CLOCK: variants seen among roughly 807,000 people sequenced by gnomAD.
CLOCK encodes the protein clock circadian regulator.
CLOCK carries 43 observed loss-of-function variants against 118.4 expected under a neutral mutation model. The ratio of observed to expected loss-of-function variants is 0.36; its 90% CI spans 0.28 to 0.47. The LOEUF (loss-of-function observed/expected upper bound fraction) is 0.47, where lower values mean the gene tolerates loss of function less well. Ranked by LOEUF, CLOCK falls within the 20% of genes least tolerant of loss-of-function variation. CLOCK has a pLI of 1.00. For missense variants in CLOCK, 846 were observed against 999.9 expected, an observed-to-expected ratio of 0.85 and a Z score of 2.08; for synonymous variants, 326 against 339.2, an observed-to-expected ratio of 0.96 and a Z score of 0.43.
At chr4:55,467,920 T>G (rs1449517593) in intron 8 of CLOCK, among the ~76,000 whole-genome samples, 1 of 152,164 alleles carries the variant, frequency 6.6e-6, no homozygotes, top group East Asian at 1.9e-4. Context: ...CCAAAGAAAT[T>G]AGCAAATTAT....
At chr4:55,520,643 A>G (rs1439539312) in intron 1 of CLOCK, among the ~76,000 whole-genome samples, 1 of 152,194 alleles carries the variant, frequency 6.6e-6, no homozygotes, top group Non-Finnish European at 1.5e-5. Context: ...TTTTAATACT[A>G]AGGTTCAGTT....
chr4:55,456,634 TA>T (rs5858335), intron 11 of CLOCK, among the ~76,000 whole-genome samples: 88,616 of 151,754 alleles, frequency 0.58, 27,470 homozygotes, highest in South Asian at 0.81. Flanking sequence ...CATTACTAGA[TA>T]AACTTTTCCT....
chr4:55,480,514 T>C (rs567299688), intron 4 of CLOCK, among the ~76,000 whole-genome samples: 48 of 152,244 alleles, frequency 3.2e-4, no homozygotes, highest in African/African-American at 1.1e-3. Context: ...GACCTTCCTA[T>C]CTCAGCCTCC....
intron 7 of CLOCK, among the ~76,000 whole-genome samples, chr4:55,472,772 A>G (rs1384920920): frequency 6.6e-6 from 1 of 151,278 alleles, no homozygotes; most frequent in Non-Finnish European, 1.5e-5. Context: ...TGGATATCAC[A>G]AAGAACTTAT....
chr4:55,523,620 A>C (rs996278565), intron 1 of CLOCK, among the ~76,000 whole-genome samples: 2 of 152,206 alleles, frequency 1.3e-5, no homozygotes, highest in African/African-American at 4.8e-5. Context: ...TCATCCATGC[A>C]CGAATCTGGA....
intron 1 of CLOCK, among the ~76,000 whole-genome samples, chr4:55,524,064 C>T (rs1730014326): frequency 6.6e-6 from 1 of 152,070 alleles, no homozygotes; most frequent in South Asian, 2.1e-4. Flanking sequence ...ATCATTTTAG[C>T]AAAACAGGAT....
intron 1 of CLOCK, chr4:55,545,819 T>C (rs1731579947): frequency 6.6e-6 from 1 of 152,184 alleles, no homozygotes; most frequent in African/African-American, 2.4e-5. Flanking sequence ...CGGAAAGAAA[T>C]CTACAAACGC....
intron 18 of CLOCK, among the ~76,000 whole-genome samples, chr4:55,447,443 G>A (rs1237202664): frequency 1.3e-5 from 2 of 152,192 alleles, no homozygotes; most frequent in African/African-American, 2.4e-5. Flanking sequence ...CTTTGGACAA[G>A]CATTATATTG....
At chr4:55,491,347 A>C (rs2109950892) in intron 2 of CLOCK, among the ~76,000 whole-genome samples, 1 of 149,544 alleles carries the variant, frequency 6.7e-6, no homozygotes, top group African/African-American at 2.4e-5. Flanking sequence ...AGGAAATATG[A>C]TTAGAGTAGA....
intron 2 of CLOCK, among the ~76,000 whole-genome samples, chr4:55,503,312 G>A (rs940368344): frequency 6.6e-6 from 1 of 152,128 alleles, no homozygotes; most frequent in African/African-American, 2.4e-5. Flanking sequence ...AGCAACAACA[G>A]AAAAGATGAA....
At chr4:55,494,820 G>A (rs1222710949) in intron 2 of CLOCK, among the ~76,000 whole-genome samples, 1 of 152,160 alleles carries the variant, frequency 6.6e-6, no homozygotes, top group Non-Finnish European at 1.5e-5. Context: ...AAAAAACAAG[G>A]AAACAGATTT....
intron 1 of CLOCK, among the ~76,000 whole-genome samples, chr4:55,518,569 T>C (rs569961700): frequency 7.6e-4 from 115 of 152,256 alleles, no homozygotes; most frequent in African/African-American, 2.7e-3. Context: ...TGTGACAGTA[T>C]TAAGACATGG....
chr4:55,453,207 T>C, intron 14 of CLOCK, 78 bp from the exon 15 acceptor site: 1 of 1,148,238 alleles, frequency 8.7e-7, no homozygotes, highest in Non-Finnish European at 1.3e-6. Flanking sequence ...CTATTCAGTG[T>C]TGTTACGTGT....
intron 22 of CLOCK, among the ~76,000 whole-genome samples, 170 bp downstream of exon 22, chr4:55,438,112 A>G (rs377338523): frequency 2.4e-4 from 37 of 152,334 alleles, no homozygotes; most frequent in Admixed American, 5.9e-4. Flanking sequence ...TGAGCAAGGG[A>G]AGAAAAAAAA....
intron 1 of CLOCK, among the ~76,000 whole-genome samples, chr4:55,530,774 C>CAAAAAAAAAAAAAAAAAAAAA (rs60810379): frequency 4.5e-4 from 15 of 33,028 alleles, no homozygotes; most frequent in Admixed American, 1.3e-3. Context: ...GACTCCATCG[C>CAAAAAAAAAAAAAAAAAAAAA]AAAAAAAAAA....
intron 11 of CLOCK, among the ~76,000 whole-genome samples, chr4:55,458,311 C>T (rs115564810): frequency 0.023 from 3,485 of 152,206 alleles, 66 homozygotes; most frequent in Non-Finnish European, 0.036. Context: ...ATCCTCTCGC[C>T]TTGCTCTCCC....
intron 2 of CLOCK, among the ~76,000 whole-genome samples, chr4:55,506,331 T>C (rs539213238): frequency 6.6e-6 from 1 of 151,988 alleles, no homozygotes; most frequent in Non-Finnish European, 1.5e-5. Flanking sequence ...TAGGGGTGCA[T>C]ACCAACACAC....
At chr4:55,533,151 G>A (rs1236015961) in intron 1 of CLOCK, among the ~76,000 whole-genome samples, 2 of 151,860 alleles carry the variant, frequency 1.3e-5, no homozygotes, top group Non-Finnish European at 2.9e-5. Context: ...GAATCTCAAG[G>A]GACCCCCAAG....
At chr4:55,514,775 G>A (rs1729383297) in intron 1 of CLOCK, among the ~76,000 whole-genome samples, 1 of 152,176 alleles carries the variant, frequency 6.6e-6, no homozygotes, top group South Asian at 2.1e-4. Flanking sequence ...TGTTGAATTT[G>A]ATTTGCTAAT....
Sources: gnomAD v4.1 joint callset for allele counts (sites outside exome capture counted in the v4.1 genomes callset) on GRCh38, gnomAD v4.1.1 for gene constraint, MANE v1.5 for transcripts, NCBI Gene and HGNC (gene_info 2026-07-23, HGNC 2026-07-21) for gene names.